CTNNA3: variants seen among roughly 807,000 people sequenced by gnomAD.
CTNNA3 encodes the protein catenin alpha 3.
CTNNA3 carries 76 observed loss-of-function variants against 95.7 expected under a neutral mutation model. The observed-to-expected ratio is 0.79, with a 90% CI of 0.66 to 0.96. The LOEUF is 0.96. Among genes scored for constraint, CTNNA3 ranks in the 40% least tolerant of loss-of-function variants. CTNNA3 has a pLI of 0.00. For synonymous variants in CTNNA3, 431 were observed against 374.4 expected (o/e 1.15, Z -1.74); for missense variants, 1,191 against 1,089.8 (o/e 1.09, Z -1.31).
intron 7 of CTNNA3, among the ~76,000 whole-genome samples, chr10:67,088,065 G>C (rs1363658795): frequency 1.3e-5 from 2 of 151,876 alleles, no homozygotes; most frequent in Admixed American, 6.6e-5. Context: ...ATAATTTAAA[G>C]AGAAAGAAAG....
chr10:67,558,173 T>C (rs1841327176), intron 3 of CTNNA3, among the ~76,000 whole-genome samples: 1 of 152,228 alleles, frequency 6.6e-6, no homozygotes, highest in South Asian at 2.1e-4. Flanking sequence ...ACCTGAGTCA[T>C]AGTCCCAGAT....
At position 65,920,659 on chromosome 10, in the gene CTNNA3, G is replaced by A. The variant is rs777579865; in HGVS notation, c.2401-42C>T. ...GAAAAAAGAGCTATTATTCCAGGAG[G>A]TTTTGTTAATTATTGCCAAGCGTGG... On this transcript the variant is annotated intron_variant, in intron 17 of 17. Transcript: ENST00000433211. 8.8e-6 allele frequency: 14 copies of A among 1,586,986 alleles called. No homozygotes were observed. In the African/African-American group the frequency reaches 1.8e-4, roughly 20 times the overall value.
At chr10:67,573,158 A>G (rs1842030515) in intron 3 of CTNNA3, among the ~76,000 whole-genome samples, 1 of 152,166 alleles carries the variant, frequency 6.6e-6, no homozygotes, top group Non-Finnish European at 1.5e-5. Flanking sequence ...GATCGATGTG[A>G]TTATCATGAC....
At chr10:66,593,974 T>C (rs1246504635) in intron 10 of CTNNA3, among the ~76,000 whole-genome samples, 2 of 152,090 alleles carry the variant, frequency 1.3e-5, no homozygotes, top group East Asian at 3.9e-4. Flanking sequence ...AATATCAAAA[T>C]GTTAACAACT....
At chr10:66,913,011 G>T (rs959025681) in intron 7 of CTNNA3, among the ~76,000 whole-genome samples, 2 of 151,790 alleles carry the variant, frequency 1.3e-5, no homozygotes, top group Admixed American at 6.6e-5. Flanking sequence ...AGGCCGAGGC[G>T]GGCGGATCAC....
intron 13 of CTNNA3, among the ~76,000 whole-genome samples, chr10:66,231,482 A>G (rs1430604989): frequency 6.6e-6 from 1 of 152,146 alleles, no homozygotes; most frequent in Non-Finnish European, 1.5e-5. Flanking sequence ...GGAAGGGGGA[A>G]TCCTTCCAGA....
At chr10:67,581,542 A>T (rs1842397945) in intron 3 of CTNNA3, among the ~76,000 whole-genome samples, 1 of 152,164 alleles carries the variant, frequency 6.6e-6, no homozygotes, top group South Asian at 2.1e-4. Context: ...TGTCTCTTCC[A>T]GGCTTTGGTA....
At chr10:65,945,509 T>C (rs1589157250) in intron 17 of CTNNA3, among the ~76,000 whole-genome samples, 1 of 152,110 alleles carries the variant, frequency 6.6e-6, no homozygotes. Flanking sequence ...TGAAGATGAT[T>C]CTGGTGTACT....
intron 5 of CTNNA3, among the ~76,000 whole-genome samples, chr10:67,283,883 G>A (rs887921058): frequency 3.3e-5 from 5 of 152,152 alleles, no homozygotes; most frequent in Admixed American, 2.0e-4. Flanking sequence ...ATTTCTACAG[G>A]TATGTCCATA....
At chr10:67,502,817 C>T (rs528178980) in intron 5 of CTNNA3, among the ~76,000 whole-genome samples, 150 of 152,310 alleles carry the variant, frequency 9.8e-4, no homozygotes, top group African/African-American at 3.3e-3. Context: ...CATCCCTCCC[C>T]ACACCAAGCT....
intron 12 of CTNNA3, among the ~76,000 whole-genome samples, chr10:66,319,484 A>G (rs1232379101): frequency 6.6e-6 from 1 of 152,150 alleles, no homozygotes; most frequent in Non-Finnish European, 1.5e-5. Flanking sequence ...TTCATATAAG[A>G]TAGGGGATGG....
intron 13 of CTNNA3, among the ~76,000 whole-genome samples, chr10:66,114,546 T>A (rs2082248887): frequency 6.6e-6 from 1 of 151,676 alleles, no homozygotes; most frequent in Admixed American, 6.6e-5. Flanking sequence ...ACTCATATTG[T>A]CCGTGTATGT....
intron 9 of CTNNA3, among the ~76,000 whole-genome samples, chr10:66,630,543 C>T (rs1845096571): frequency 6.6e-6 from 1 of 152,072 alleles, no homozygotes. Flanking sequence ...AAGCTGGATG[C>T]CAAATGTTGG....
chr10:66,518,199 C>T (rs1034203213), intron 11 of CTNNA3, among the ~76,000 whole-genome samples: 5 of 152,088 alleles, frequency 3.3e-5, no homozygotes, highest in Admixed American at 6.6e-5. Flanking sequence ...TCCAGAATAT[C>T]GGTATATCAG....
intron 4 of CTNNA3, among the ~76,000 whole-genome samples, chr10:67,530,305 C>A (rs1840287970): frequency 6.6e-6 from 1 of 152,180 alleles, no homozygotes; most frequent in African/African-American, 2.4e-5. Flanking sequence ...GTGGGAAGGT[C>A]TGGAACTTCC....
intron 11 of CTNNA3, among the ~76,000 whole-genome samples, chr10:66,481,653 A>G (rs1393332187): frequency 6.8e-6 from 1 of 147,822 alleles, no homozygotes; most frequent in Non-Finnish European, 1.5e-5. Context: ...TTGTATTTTT[A>G]GTAGAGACGG....
intron 7 of CTNNA3, among the ~76,000 whole-genome samples, chr10:67,067,912 G>A (rs1239693206): frequency 2.0e-5 from 3 of 152,198 alleles, no homozygotes; most frequent in Admixed American, 6.5e-5. Flanking sequence ...ACAAAGGAAG[G>A]AGGTGTCAAT....
chr10:66,138,898 A>G lies in CTNNA3; in HGVS notation c.1885-35649T>C, dbSNP rs372637232. The stretch of plus-strand genomic sequence containing the variant: ...AATAAAAATAAAAGATGGATTGACA[A>G]TGATCAAACATCTGGACCTTTACAC... On this transcript the variant is annotated intron_variant, in intron 13 of 17. Transcript: ENST00000433211. Among the ~76,000 whole-genome samples, 32 of 152,296 alleles carry G rather than the reference A, an allele frequency of 2.1e-4. No homozygotes were observed. The East Asian group carries it at 5.8e-3, about 28-fold the overall frequency.
intron 14 of CTNNA3, among the ~76,000 whole-genome samples, chr10:66,076,664 G>C (rs889263089): frequency 2.3e-4 from 35 of 151,414 alleles, no homozygotes; most frequent in Non-Finnish European, 4.9e-4. Context: ...TAGGCTTCAG[G>C]GACTGGGTCG....
Sources: allele counts gnomAD v4.1 joint callset (sites outside exome capture counted in the v4.1 genomes callset), GRCh38; gene constraint gnomAD v4.1.1; transcripts MANE v1.5; gene names NCBI Gene and HGNC (gene_info 2026-07-23, HGNC 2026-07-21).